The following MAPKAP1 variants were observed in gnomAD, a reference collection of about 807,000 sequenced individuals.
MAPKAP1 encodes the protein MAPK associated protein 1.
Under a neutral mutation model 65.7 loss-of-function variants are expected in MAPKAP1, and 20 were observed. That is an observed-to-expected ratio of 0.30 (90% CI 0.21 to 0.44). MAPKAP1 has a LOEUF of 0.44. Among genes scored for constraint, MAPKAP1 ranks in the 20% least tolerant of loss-of-function variants. The pLI, the probability that MAPKAP1 is intolerant of heterozygous loss-of-function variation, is 1.00. For synonymous variants in MAPKAP1, 222 were observed against 244.3 expected, an observed-to-expected ratio of 0.91 and a Z score of 0.85; for missense variants, 423 against 648.0, an observed-to-expected ratio of 0.65 and a Z score of 3.77.
chr9:125,459,598 C>T (rs569608145), intron 10 of MAPKAP1, among the ~76,000 whole-genome samples: 50 of 152,256 alleles, frequency 3.3e-4, no homozygotes, highest in African/African-American at 1.0e-3. Context: ...GGATCACTCG[C>T]GGTTAGGAGC....
chr9:125,439,313 G>A lies in MAPKAP1; in HGVS notation c.1444-301C>T, dbSNP rs1449678221. Among the ~76,000 whole-genome samples the A allele has an allele frequency of 4.6e-5, 7 of 152,360 alleles. No individual in the cohort carries two copies. The highest frequency in any genetic ancestry group is 2.1e-4 in the South Asian group (1 of 4,830). On this transcript the variant is annotated intron_variant, in intron 11 of 11. Coordinates refer to ENST00000265960, the MANE Select transcript of MAPKAP1 (RefSeq NM_001006617.3). This position sits in a 1 kb window ranked among gnomAD's most constrained non-coding sequence, Gnocchi z 4.0. Reference sequence around the variant, plus strand: ...CTCCCTCCTGGCGTGAGCCACTCCCGGAAGGCTGTGCCCTGGGCTGCCTGG... The same window carrying A: ...CTCCCTCCTGGCGTGAGCCACTCCCAGAAGGCTGTGCCCTGGGCTGCCTGG...
intron 4 of MAPKAP1, among the ~76,000 whole-genome samples, chr9:125,634,397 A>C (rs909198284): frequency 1.3e-5 from 2 of 152,230 alleles, no homozygotes; most frequent in Non-Finnish European, 2.9e-5. Flanking sequence ...CCTAAACAAA[A>C]ACACAGTTGC....
chr9:125,459,918 TG>T (rs1314116225), intron 10 of MAPKAP1, among the ~76,000 whole-genome samples: 1 of 151,038 alleles, frequency 6.6e-6, no homozygotes. Flanking sequence ...TTGATTTTAA[TG>T]AAACTATGGC....
At chr9:125,684,761 A>G (rs1834925758) in intron 1 of MAPKAP1, among the ~76,000 whole-genome samples, 1 of 152,154 alleles carries the variant, frequency 6.6e-6, no homozygotes, top group Non-Finnish European at 1.5e-5. Flanking sequence ...GCTCAACGGT[A>G]GCCTTAACCT....
At chr9:125,603,798 T>C (rs181261386) in intron 4 of MAPKAP1, among the ~76,000 whole-genome samples, 8 of 152,362 alleles carry the variant, frequency 5.3e-5, no homozygotes, top group East Asian at 1.9e-4. Context: ...CAAAGGTTAA[T>C]TGCAAGCCCT....
At chr9:125,453,940 G>T (rs1853060083) in intron 10 of MAPKAP1, among the ~76,000 whole-genome samples, 1 of 152,160 alleles carries the variant, frequency 6.6e-6, no homozygotes, top group African/African-American at 2.4e-5. Flanking sequence ...ACTATCACTT[G>T]TTCTCCTTGA....
At chr9:125,699,028 G>C (rs988160986) in intron 1 of MAPKAP1, among the ~76,000 whole-genome samples, 3 of 152,056 alleles carry the variant, frequency 2.0e-5, no homozygotes, top group Non-Finnish European at 4.4e-5. Context: ...TTAGAGGTTG[G>C]CATCCCTTAT....
At chr9:125,481,887 T>C (rs1410367730) in intron 9 of MAPKAP1, among the ~76,000 whole-genome samples, 1 of 151,584 alleles carries the variant, frequency 6.6e-6, no homozygotes, top group African/African-American at 2.4e-5. Context: ...TCCCAGCACT[T>C]TGGGAGGCCG....
chr9:125,654,152 C>T (rs1395509618), intron 4 of MAPKAP1, among the ~76,000 whole-genome samples: 1 of 152,148 alleles, frequency 6.6e-6, no homozygotes, highest in Non-Finnish European at 1.5e-5. Flanking sequence ...GTCTACTTGC[C>T]TCTCAGCAAA....
intron 10 of MAPKAP1, among the ~76,000 whole-genome samples, chr9:125,459,642 G>A (rs1235744614): frequency 2.6e-5 from 4 of 152,152 alleles, no homozygotes; most frequent in Admixed American, 1.3e-4. Flanking sequence ...GCGAAACCCC[G>A]TCTCCACGAA....
chr9:125,699,701 T>C (rs1193081928), intron 1 of MAPKAP1, among the ~76,000 whole-genome samples: 2 of 151,782 alleles, frequency 1.3e-5, no homozygotes, highest in East Asian at 1.9e-4. Context: ...GGTGTGATCA[T>C]GGCTCACAGC....
chr9:125,564,609 T>A (rs1472622526), intron 5 of MAPKAP1, among the ~76,000 whole-genome samples: 2 of 152,146 alleles, frequency 1.3e-5, no homozygotes, highest in African/African-American at 4.8e-5. Context: ...TGTTCCTAAG[T>A]GGTCATTTTC....
At chr9:125,663,538 C>T (rs1834250335) in intron 3 of MAPKAP1, among the ~76,000 whole-genome samples, 1 of 152,136 alleles carries the variant, frequency 6.6e-6, no homozygotes, top group Admixed American at 6.6e-5. Flanking sequence ...GTTTATCTAC[C>T]CCCAATCGAA....
intron 4 of MAPKAP1, among the ~76,000 whole-genome samples, chr9:125,617,904 T>A (rs1215880559): frequency 6.6e-6 from 1 of 152,226 alleles, no homozygotes; most frequent in Admixed American, 6.5e-5. Context: ...CATGAGTGAC[T>A]ATTATACAAC....
rs1305892258 is a variant in MAPKAP1 at position 125,624,352 on chromosome 9, G to A, written c.498+33299C>T. ...AAGGAGGTGGGGGGGTCGGCCCCCC[G>A]CCCGGCCAGCCGCCCCATCCGGGAG... On this transcript the variant is annotated intron_variant, in intron 4 of 11. Coordinates refer to ENST00000265960, the MANE Select transcript of MAPKAP1 (RefSeq NM_001006617.3). 1.6e-4 allele frequency among the ~76,000 whole-genome samples: 8 copies of A among 48,676 alleles called. 1 individual carries two copies. Among genetic ancestry groups the A allele is most frequent in the Non-Finnish European group, 2.0e-4 (4 of 20,480 alleles). 31.9% of individuals were successfully genotyped at this position (48,676 alleles called of 152,430 possible).
At chr9:125,539,425 T>C (rs1051524646) in intron 7 of MAPKAP1, among the ~76,000 whole-genome samples, 47 of 152,350 alleles carry the variant, frequency 3.1e-4, no homozygotes, top group African/African-American at 1.1e-3. Context: ...CCCACTTTGA[T>C]GCTCTCTCTT....
chr9:125,574,755 C>T (rs911230742), intron 5 of MAPKAP1, among the ~76,000 whole-genome samples: 16 of 152,160 alleles, frequency 1.1e-4, no homozygotes, highest in African/African-American at 2.2e-4. Context: ...TAGCTGGCTG[C>T]GGTTACAGTA....
At chr9:125,641,693 G>C (rs370581236) in intron 4 of MAPKAP1, among the ~76,000 whole-genome samples, 68 of 150,642 alleles carry the variant, frequency 4.5e-4, no homozygotes, top group Non-Finnish European at 8.6e-4. Context: ...TTCACTTGAG[G>C]CCAGGAGTTC....
At chr9:125,443,759 C>A (rs1852592643) in intron 11 of MAPKAP1, among the ~76,000 whole-genome samples, 1 of 149,940 alleles carries the variant, frequency 6.7e-6, no homozygotes, top group Non-Finnish European at 1.5e-5. Context: ...CATTCCCAGG[C>A]TGCCTGTCTG....
Sources: gnomAD v4.1 joint callset for allele counts (sites outside exome capture counted in the v4.1 genomes callset) on GRCh38, gnomAD v4.1.1 for gene constraint, Gnocchi (gnomAD v3.1) non-coding constraint, MANE v1.5 for transcripts, NCBI Gene and HGNC (gene_info 2026-07-23, HGNC 2026-07-21) for gene names.